NRF1: variants seen among roughly 807,000 people sequenced by gnomAD.
The protein encoded by NRF1 is alpha palindromic-binding protein.
Under a neutral mutation model 58.5 loss-of-function variants are expected in NRF1, and 5 were observed. The ratio of observed to expected loss-of-function variants is 0.09; its 90% confidence interval spans 0.04 to 0.18. NRF1 has a LOEUF of 0.18. NRF1 is among the 10% of genes least tolerant of loss of function. NRF1 has a pLI of 1.00. For missense variants in NRF1, 288 were observed against 657.7 expected, an observed-to-expected ratio of 0.44 and a Z score of 6.15; for synonymous variants, 224 against 246.7, an observed-to-expected ratio of 0.91 and a Z score of 0.86.
chr7:129,721,574 T>A (rs1803324291), intron 9 of NRF1, among the ~76,000 whole-genome samples: 2 of 151,782 alleles, frequency 1.3e-5, no homozygotes, highest in South Asian at 4.2e-4. Context: ...CTCCGCCTCC[T>A]GGGTTCACAC....
intron 8 of NRF1, among the ~76,000 whole-genome samples, chr7:129,712,824 T>A (rs1290169556): frequency 6.6e-6 from 1 of 152,118 alleles, no homozygotes; most frequent in Non-Finnish European, 1.5e-5. Flanking sequence ...ATAAACATCA[T>A]TAAAGGATAT....
chr7:129,621,602 A>G (rs1014548955), intron 1 of NRF1, among the ~76,000 whole-genome samples: 8 of 152,186 alleles, frequency 5.3e-5, no homozygotes, highest in African/African-American at 1.9e-4. Flanking sequence ...AAGTAAGAAC[A>G]CATCATGGAA....
At chr7:129,617,841 A>G (rs1353046276) in intron 1 of NRF1, among the ~76,000 whole-genome samples, 1 of 152,138 alleles carries the variant, frequency 6.6e-6, no homozygotes, top group Admixed American at 6.5e-5. Context: ...CTGATGGAGA[A>G]GAGGGGCTGA....
At chr7:129,648,250 G>A (rs1801454182) in intron 1 of NRF1, among the ~76,000 whole-genome samples, 2 of 139,462 alleles carry the variant, frequency 1.4e-5, no homozygotes, top group South Asian at 4.8e-4. Context: ...ACTATTTCTT[G>A]ATTTATCAAA....
chr7:129,640,996 A>C (rs890402955), intron 1 of NRF1, among the ~76,000 whole-genome samples: 2 of 152,166 alleles, frequency 1.3e-5, no homozygotes, highest in Admixed American at 1.3e-4. Context: ...CATCCTAACA[A>C]ATCACAGAGC....
chr7:129,707,164 T>G (rs1802968964), intron 5 of NRF1, among the ~76,000 whole-genome samples: 1 of 152,072 alleles, frequency 6.6e-6, no homozygotes, highest in African/African-American at 2.4e-5. Flanking sequence ...CGACTGAGTT[T>G]TGTATTTTTG....
At chr7:129,709,664 G>A (rs1336665953) in intron 6 of NRF1, among the ~76,000 whole-genome samples, 2 of 151,654 alleles carry the variant, frequency 1.3e-5, no homozygotes, top group Non-Finnish European at 2.9e-5. Flanking sequence ...TTACAAGAAA[G>A]ACTAAACTAC....
chr7:129,709,182 C>T lies in NRF1; in HGVS notation c.714C>T (p.Ile238=). The T allele has an allele frequency of 6.3e-7, 1 of 1,584,412 alleles. No individual in the cohort carries two copies. The highest frequency in any genetic ancestry group is 1.7e-4 in the Middle Eastern group (1 of 5,974). The part of the protein sequence containing the change: ...SCKPIWWPED[I]PWANVRSDVR... The stretch of plus-strand genomic sequence containing the variant: ...AGCCCATCTGGTGGCCTGAAGATAT[C>T]CCCTGGGCAAATGTCCGGAGTGATG... Residue 238 remains isoleucine, a synonymous_variant, in exon 6 of 11, where the codon ATC becomes ATT. Coordinates refer to ENST00000393232, the MANE Select transcript of NRF1 (RefSeq NM_005011.5).
At chr7:129,655,013 G>A (rs563837149) in intron 1 of NRF1, among the ~76,000 whole-genome samples, 24 of 152,084 alleles carry the variant, frequency 1.6e-4, no homozygotes, top group Non-Finnish European at 3.1e-4. Flanking sequence ...ATTTTGATTG[G>A]GACAATGTTG....
At chr7:129,655,376 A>G (rs1351972583) in intron 1 of NRF1, among the ~76,000 whole-genome samples, 1 of 152,154 alleles carries the variant, frequency 6.6e-6, no homozygotes, top group African/African-American at 2.4e-5. Context: ...CAATCATGTC[A>G]TCTATGAAGA....
chr7:129,622,941 T>G (rs1800832554), intron 1 of NRF1, among the ~76,000 whole-genome samples: 1 of 152,242 alleles, frequency 6.6e-6, no homozygotes, highest in African/African-American at 2.4e-5. Flanking sequence ...ATTTTTACCT[T>G]GAAACATTCT....
Position 129,717,183 on chromosome 7 carries a change from C to T in NRF1, c.1066-36C>T, listed in dbSNP as rs1461758456. 4 of 1,547,086 alleles carry T rather than the reference C, an allele frequency of 2.6e-6. No homozygotes were observed. The South Asian group carries it at 3.6e-5, about 14-fold the overall frequency. On this transcript the variant is annotated intron_variant, in intron 8 of 10. Coordinates refer to ENST00000393232, the MANE Select transcript of NRF1 (RefSeq NM_005011.5). ...TACTTGTAAAATTGTACTTTTGTGG[C>T]TTTGTTTTTTTACTATCTTGTCCTT...
intron 10 of NRF1, chr7:129,744,023 GA>G: frequency 1.7e-6 from 1 of 591,576 alleles, no homozygotes; most frequent in African/African-American, 1.9e-5. Flanking sequence ...CATGCTTGCC[GA>G]AGGCTTTCCT....
chr7:129,612,287 C>T (rs1288065974), intron 1 of NRF1, among the ~76,000 whole-genome samples: 1 of 67,678 alleles, frequency 1.5e-5, no homozygotes, highest in East Asian at 5.3e-4. Context: ...CCCTTCCCGG[C>T]TCTCGTACGC....
intron 4 of NRF1, among the ~76,000 whole-genome samples, chr7:129,681,611 T>C (rs1037978554): frequency 2.0e-5 from 3 of 152,176 alleles, no homozygotes; most frequent in South Asian, 2.1e-4. Context: ...TCGCACTCAG[T>C]TGCCCACCTT....
chr7:129,718,927 T>C (rs1470481081), intron 9 of NRF1, among the ~76,000 whole-genome samples: 2 of 152,200 alleles, frequency 1.3e-5, no homozygotes, highest in Non-Finnish European at 2.9e-5. Context: ...TATGAGATAA[T>C]ATAGATAAAA....
At chr7:129,665,336 A>G (rs1801894881) in intron 2 of NRF1, among the ~76,000 whole-genome samples, 1 of 152,180 alleles carries the variant, frequency 6.6e-6, no homozygotes, top group African/African-American at 2.4e-5. Flanking sequence ...TTGGAATCCC[A>G]ACTCCACTTA....
intron 4 of NRF1, among the ~76,000 whole-genome samples, chr7:129,684,359 G>T (rs915092074): frequency 1.3e-5 from 2 of 152,138 alleles, no homozygotes; most frequent in African/African-American, 4.8e-5. Flanking sequence ...GTAAGAAAAG[G>T]CTATGTATTA....
intron 10 of NRF1, 94 bp downstream of exon 10, chr7:129,727,459 A>T (rs1803475381): frequency 3.0e-6 from 4 of 1,352,228 alleles, no homozygotes; most frequent in Non-Finnish European, 4.0e-6. Context: ...AAAGAGTTTG[A>T]GCTTCGATTT....
Sources: gnomAD v4.1 joint callset for allele counts (sites outside exome capture counted in the v4.1 genomes callset) on GRCh38, gnomAD v4.1.1 for gene constraint, MANE v1.5 for transcripts, NCBI Gene and HGNC (gene_info 2026-07-23, HGNC 2026-07-21) for gene names.